Variants in PSMD1 observed in about 807,000 individuals in gnomAD.
PSMD1 encodes 26S proteasome non-ATPase regulatory subunit 1.
In PSMD1, 18 loss-of-function variants were observed where a neutral mutation model predicts 119.0. The ratio of observed to expected loss-of-function variants is 0.15; its 90% CI spans 0.10 to 0.22. The LOEUF is 0.22. PSMD1 is among the 10% of genes least tolerant of loss of function. PSMD1 has a pLI of 1.00. For missense variants in PSMD1, 702 were observed against 1,158.5 expected, an observed-to-expected ratio of 0.61 and a Z score of 5.72; for synonymous variants, 374 against 396.6, an observed-to-expected ratio of 0.94 and a Z score of 0.68.
Position 231,072,546 on chromosome 2 carries a change from T to A in PSMD1, c.881+131T>A, listed in dbSNP as rs1179173762. Reference sequence around the variant, plus strand: ...ACTAGCTTTCATAGATTGTAAAGTCTTATTAGGCTGTTGCTCTGTTTTGTA... The same window carrying A: ...ACTAGCTTTCATAGATTGTAAAGTCATATTAGGCTGTTGCTCTGTTTTGTA... On this transcript the variant is annotated intron_variant, in intron 7 of 24. Transcript: ENST00000308696. The A allele has an allele frequency of 2.8e-5, 22 of 772,044 alleles. No homozygotes were observed. The Admixed American group carries it at 5.7e-4, about 20-fold the overall frequency. The allele number at this position is 772,044 out of a possible 1,614,324, so 47.8% of individuals were successfully genotyped here.
intron 16 of PSMD1, among the ~76,000 whole-genome samples, chr2:231,126,920 T>G (rs905374199): frequency 2.0e-5 from 3 of 152,058 alleles, no homozygotes; most frequent in Non-Finnish European, 4.4e-5. Flanking sequence ...AAAGGATAGT[T>G]GAGTCTCAGC....
In PSMD1 at chr2:231,087,167, G is replaced by A; in HGVS notation, c.1869G>A (p.Gly623=). 1 of 1,613,264 alleles carries A rather than the reference G, an allele frequency of 6.2e-7. No individual in the cohort carries two copies. ...DVRRAAVESL[G]FILFRTPEQC... is the part of the protein sequence containing the mutation. ...GGAGGGCAGCAGTAGAATCACTTGG[G>A]TTCATTCTATTCAGGTAATAACTTC... The change falls in exon 16 of 25, where the codon GGG becomes GGA. Residue 623 remains glycine, a synonymous_variant. Transcript: ENST00000308696.
At chr2:231,088,943 T>C (rs1694519334) in intron 16 of PSMD1, among the ~76,000 whole-genome samples, 1 of 152,212 alleles carries the variant, frequency 6.6e-6, no homozygotes, top group African/African-American at 2.4e-5. Context: ...TTAACAGTGC[T>C]ACTCCAGTGG....
At chr2:231,139,003 G>A (rs948604802) in intron 17 of PSMD1, 153 bp downstream of exon 17, 2 of 718,520 alleles carry the variant, frequency 2.8e-6, no homozygotes, top group Non-Finnish European at 2.6e-6. Context: ...CCCTCATTCT[G>A]CGATGCTGGA....
chr2:231,110,417 G>A (rs971627074), intron 16 of PSMD1, among the ~76,000 whole-genome samples: 1 of 152,190 alleles, frequency 6.6e-6, no homozygotes, highest in Non-Finnish European at 1.5e-5. Context: ...ATGTTTCTTA[G>A]TGAAGTAGCT....
At chr2:231,113,829 C>A in intron 16 of PSMD1, 1 of 1,614,050 alleles carries the variant, frequency 6.2e-7, no homozygotes, top group Non-Finnish European at 8.5e-7. Flanking sequence ...TGTAACGATC[C>A]ACTGAAATGG....
chr2:231,085,211 C>T (rs1559224287), intron 15 of PSMD1, 97 bp downstream of exon 15: 2 of 970,228 alleles, frequency 2.1e-6, no homozygotes, highest in African/African-American at 3.2e-5. Context: ...AGCGCATGAC[C>T]ACCACCAGTG....
rs1485637192 is a variant in PSMD1 at position 231,056,915 on chromosome 2, A to C, written c.-111A>C. On this transcript the variant is annotated 5_prime_UTR_variant, in exon 1 of 25. Coordinates refer to ENST00000308696, the MANE Select transcript of PSMD1 (RefSeq NM_002807.4). ...GGCCTGAGGAGGCGACTGACTGAGCAGCGCACCCGGGGAGCAAGGAGGCGC... is the reference window on the plus strand; with the variant it reads ...GGCCTGAGGAGGCGACTGACTGAGCCGCGCACCCGGGGAGCAAGGAGGCGC... 1.4e-6 allele frequency: 2 copies of C among 1,431,756 alleles called. No homozygotes were observed. The highest frequency in any genetic ancestry group is 1.9e-6 in the Non-Finnish European group (2 of 1,054,852). 88.7% of individuals were successfully genotyped at this position (1,431,756 alleles called of 1,614,324 possible).
intron 19 of PSMD1, among the ~76,000 whole-genome samples, chr2:231,159,874 T>C (rs538671237): frequency 4.2e-4 from 64 of 152,366 alleles, no homozygotes; most frequent in Non-Finnish European, 7.2e-4. Flanking sequence ...CATTAGATTC[T>C]CATAAGGAAC....
intron 16 of PSMD1, chr2:231,113,673 G>T: frequency 2.0e-6 from 3 of 1,492,544 alleles, no homozygotes; most frequent in African/African-American, 1.4e-5. Context: ...TATTCTCCTA[G>T]CCAAGTGGAA....
At chr2:231,066,872 T>A in intron 4 of PSMD1, 34 bp from the exon 5 acceptor site, 2 of 1,515,666 alleles carry the variant, frequency 1.3e-6, no homozygotes, top group Non-Finnish European at 1.8e-6. Flanking sequence ...TAGCCCAATT[T>A]ACAAGATAAT....
chr2:231,151,572 A>C (rs1696376540), intron 18 of PSMD1, among the ~76,000 whole-genome samples: 1 of 152,154 alleles, frequency 6.6e-6, no homozygotes, highest in South Asian at 2.1e-4. Flanking sequence ...TGTCAGTTTT[A>C]CTGAATGCTT....
intron 6 of PSMD1, among the ~76,000 whole-genome samples, chr2:231,070,428 A>G (rs1323372711): frequency 4.6e-5 from 7 of 152,124 alleles, no homozygotes; most frequent in Admixed American, 3.9e-4. Context: ...TGAAAATCCA[A>G]TAATTTAAGG....
In PSMD1 at chr2:231,138,843, G is replaced by C; in HGVS notation, c.1991G>C (p.Gly664Ala). ...MALGICCAGT[G>A]NKEAINLLEP... ...TTGGGGATATGCTGTGCTGGTACAG[G>C]AAACAAGGTAAAGCCCACAGCCAAT... is the stretch of plus-strand genomic sequence containing the variant. Residue 664 changes from glycine (G) to alanine (A), a missense_variant, in exon 17 of 25, where the codon GGA (glycine) becomes GCA (alanine). Physicochemically the swap from Gly to Ala is moderately conservative, Grantham distance 60. Coordinates refer to ENST00000308696, the MANE Select transcript of PSMD1 (RefSeq NM_002807.4). The C allele has an allele frequency of 6.2e-7, 1 of 1,613,190 alleles. No individual in the cohort carries two copies. The highest frequency in any genetic ancestry group is 8.5e-7 in the Non-Finnish European group (1 of 1,179,174).
intron 23 of PSMD1, among the ~76,000 whole-genome samples, chr2:231,168,861 G>C (rs1696846813): frequency 6.6e-6 from 1 of 152,200 alleles, no homozygotes; most frequent in African/African-American, 2.4e-5. Flanking sequence ...CCTACCCTCA[G>C]TGGCAAGGTC....
Position 231,147,064 on chromosome 2 carries a change from CT to C in PSMD1, c.2115+709del, listed in dbSNP as rs1696268066. On this transcript the variant is annotated intron_variant, in intron 18 of 24. Coordinates refer to ENST00000308696, the MANE Select transcript of PSMD1 (RefSeq NM_002807.4). ...CACTCCAAGTGGACCCTCTGAACCCCTATTCTGTAAACTTGGAGTGAGGGGG... is the reference window on the plus strand; with the variant it reads ...CACTCCAAGTGGACCCTCTGAACCCCATTCTGTAAACTTGGAGTGAGGGGG... 2.6e-5 allele frequency among the ~76,000 whole-genome samples: 4 copies of C among 152,238 alleles called. 1 individual carries two copies. The highest frequency in any genetic ancestry group is 9.6e-5 in the African/African-American group (4 of 41,462).
chr2:231,172,259 C>T (rs889689003), intron 24 of PSMD1, among the ~76,000 whole-genome samples: 1 of 152,188 alleles, frequency 6.6e-6, no homozygotes, highest in Non-Finnish European at 1.5e-5. Flanking sequence ...ATGGAAAACC[C>T]TTGATTACAG....
At chr2:231,118,732 A>G (rs938942533) in intron 16 of PSMD1, among the ~76,000 whole-genome samples, 2 of 152,128 alleles carry the variant, frequency 1.3e-5, no homozygotes, top group Admixed American at 6.5e-5. Context: ...AGGTTACACT[A>G]TTTGTCCGGA....
intron 1 of PSMD1, among the ~76,000 whole-genome samples, chr2:231,058,493 C>A (rs1299931141): frequency 6.6e-6 from 1 of 151,170 alleles, no homozygotes; most frequent in Non-Finnish European, 1.5e-5. Flanking sequence ...CTGTGGTGGT[C>A]GGACATCGTG....
Sources: gnomAD v4.1 joint callset for allele counts (sites outside exome capture counted in the v4.1 genomes callset) on GRCh38, gnomAD v4.1.1 for gene constraint, MANE v1.5 for transcripts, NCBI Gene and HGNC (gene_info 2026-07-23, HGNC 2026-07-21) for gene names.